Variants in MYO1H observed in about 807,000 individuals in gnomAD.
MYO1H encodes the protein unconventional myosin-Ih.
In MYO1H, 118 loss-of-function variants were observed where a neutral mutation model predicts 149.3. The observed-to-expected ratio is 0.79, with a 90% CI of 0.68 to 0.92. The LOEUF (loss-of-function observed/expected upper bound fraction) is 0.92, where lower values mean the gene tolerates loss of function less well. Ranked by LOEUF, MYO1H falls within the 40% of genes least tolerant of loss-of-function variation. The pLI is 0.00. For synonymous variants in MYO1H, 447 were observed against 465.2 expected, an observed-to-expected ratio of 0.96 and a Z score of 0.50; for missense variants, 1,212 against 1,280.7, an observed-to-expected ratio of 0.95 and a Z score of 0.82.
chr12:109,401,452 C>A (rs1592794848), intron 6 of MYO1H, 180 bp downstream of exon 6: 4 of 601,650 alleles, frequency 6.6e-6, no homozygotes, highest in Middle Eastern at 4.7e-4. Flanking sequence ...TGCCTGGCAG[C>A]TATATCACCT....
At chr12:109,422,998 C>T (rs1871237118) in intron 16 of MYO1H, among the ~76,000 whole-genome samples, 1 of 151,928 alleles carries the variant, frequency 6.6e-6, no homozygotes, top group African/African-American at 2.4e-5. Flanking sequence ...AGGGGGATTG[C>T]TTGAGCCCAG....
chr12:109,336,934 T>G, the MYO1H span, among the ~76,000 whole-genome samples: 1 of 151,852 alleles, frequency 6.6e-6, no homozygotes, highest in East Asian at 1.9e-4. Context: ...AAACATGGAG[T>G]TGGAGGCCTG....
intron 13 of MYO1H, among the ~76,000 whole-genome samples, chr12:109,411,082 C>T (rs1263422130): frequency 1.3e-5 from 2 of 152,044 alleles, no homozygotes; most frequent in Admixed American, 6.5e-5. Flanking sequence ...GCAGAGGTTG[C>T]AGTGAGCTGA....
In MYO1H at chr12:109,435,023, C is replaced by T; in HGVS notation, c.2064-14C>T. 6.3e-7 allele frequency: 1 copy of T among 1,583,998 alleles called. No individual in the cohort carries two copies. Among genetic ancestry groups the T allele is most frequent in the East Asian group, 2.2e-5 (1 of 44,574 alleles). On this transcript the variant is annotated splice_polypyrimidine_tract_variant and intron_variant, in intron 20 of 31. Transcript: ENST00000310903. ...TGACCAATTAATAACAAAAACATTT[C>T]TTTTCACTTCTAGAACCAAAATATT...
At chr12:109,345,117 G>A (rs897487070), upstream of MYO1H, among the ~76,000 whole-genome samples, 1 of 152,132 alleles carries the variant, frequency 6.6e-6, no homozygotes, top group Non-Finnish European at 1.5e-5. Context: ...CTTCATCAAA[G>A]TTTAAGTCTT....
chr12:109,359,830 T>C (rs1004425651), intron 1 of MYO1H, among the ~76,000 whole-genome samples: 1 of 152,244 alleles, frequency 6.6e-6, no homozygotes, highest in Non-Finnish European at 1.5e-5. Flanking sequence ...AAGGGCGTCT[T>C]TGGCAAACTA....
At chr12:109,440,790 A>C (rs1459090180) in exon 25 of MYO1H, 1 of 1,555,366 alleles carries the variant, frequency 6.4e-7, no homozygotes, top group Non-Finnish European at 8.7e-7. Flanking sequence ...CTGGTGCAGA[A>C]GTACTGCCGC....
chr12:109,332,252 G>T, the MYO1H span, among the ~76,000 whole-genome samples: 2 of 152,216 alleles, frequency 1.3e-5, no homozygotes, highest in Non-Finnish European at 2.9e-5. Flanking sequence ...AAAGTTAAAG[G>T]TGATATGTCT....
the MYO1H span, among the ~76,000 whole-genome samples, chr12:109,314,118 C>G: frequency 3.3e-5 from 5 of 152,116 alleles, no homozygotes; most frequent in Admixed American, 2.6e-4. Flanking sequence ...CTCCTGACTT[C>G]AAGTGGTCTG....
intron 30 of MYO1H, 100 bp downstream of exon 30, chr12:109,444,629 G>T: frequency 1.1e-6 from 1 of 900,336 alleles, no homozygotes; most frequent in Non-Finnish European, 1.8e-6. Context: ...CACTTTGGGA[G>T]GCTGAGGTGA....
At chr12:109,369,431 C>T (rs752876572) in intron 1 of MYO1H, among the ~76,000 whole-genome samples, 1 of 152,084 alleles carries the variant, frequency 6.6e-6, no homozygotes, top group Non-Finnish European at 1.5e-5. Flanking sequence ...AGGAAGGATG[C>T]ACAAGGAAGA....
At chr12:109,406,926 C>T in intron 9 of MYO1H, 66 bp downstream of exon 9, 2 of 1,466,716 alleles carry the variant, frequency 1.4e-6, no homozygotes, top group Non-Finnish European at 1.9e-6. Context: ...TCGATAACAG[C>T]AGGGTGGTGG....
intron 17 of MYO1H, among the ~76,000 whole-genome samples, chr12:109,425,390 T>A (rs1279914550): frequency 6.6e-6 from 1 of 152,216 alleles, no homozygotes; most frequent in African/African-American, 2.4e-5. Flanking sequence ...GAATGTGATA[T>A]TCATGTTCCA....
At chr12:109,397,775 G>A in exon 5 of MYO1H, 1 of 1,612,410 alleles carries the variant, frequency 6.2e-7, no homozygotes, top group African/African-American at 1.3e-5. Flanking sequence ...AACTCCAGCA[G>A]ATTTGGGAAA....
rs745586119 is a variant in MYO1H at position 109,411,954 on chromosome 12, G to T, written c.1471G>T (p.Glu491Ter). The T allele has an allele frequency of 1.9e-6, 3 of 1,604,188 alleles. No homozygotes were observed. Among genetic ancestry groups the T allele is most frequent in the Non-Finnish European group, 2.6e-6 (3 of 1,175,402 alleles). The change falls in exon 14 of 32, where the codon GAG (glutamate) becomes TAG (stop). Residue 491 changes from glutamate to a stop codon, truncating the protein, a stop_gained. Transcript: ENST00000310903. LOFTEE classifies it high-confidence loss of function. ...CTTGAGTTTCCTGGAGAAATTGGAA[G>T]AGAAAGTGGGCAAACATGCACACTT...
At chr12:109,409,651 TG>T (rs760609005) in intron 11 of MYO1H, 27 bp downstream of exon 11, 131 of 1,559,646 alleles carry the variant, frequency 8.4e-5, no homozygotes, top group Non-Finnish European at 1.1e-4. Flanking sequence ...CCTACCTATC[TG>T]TCTTTTGCCC....
At chr12:109,438,653 C>T (rs749182145) in intron 23 of MYO1H, 33 bp downstream of exon 23, 18 of 1,504,988 alleles carry the variant, frequency 1.2e-5, no homozygotes, top group Non-Finnish European at 1.7e-5. Flanking sequence ...GAGGACAGGT[C>T]ACTAAATGCT....
At chr12:109,426,750 A>T (rs1449472510) in intron 18 of MYO1H, among the ~76,000 whole-genome samples, 1 of 152,126 alleles carries the variant, frequency 6.6e-6, no homozygotes, top group Admixed American at 6.6e-5. Flanking sequence ...GTTGTTAGGA[A>T]CCATTATAAT....
At chr12:109,426,079 C>A (rs2135579317) in intron 18 of MYO1H, 28 bp downstream of exon 18, 1 of 1,556,054 alleles carries the variant, frequency 6.4e-7, no homozygotes, top group East Asian at 2.2e-5. Context: ...ATGAACTGGG[C>A]TCAGGGAAAG....
Sources: gnomAD v4.1 joint callset for allele counts (sites outside exome capture counted in the v4.1 genomes callset) on GRCh38, gnomAD v4.1.1 for gene constraint, MANE v1.5 for transcripts, NCBI Gene and HGNC (gene_info 2026-07-23, HGNC 2026-07-21) for gene names.